Variants in TCP11L1 observed in about 807,000 individuals in gnomAD.
TCP11L1 encodes t-complex 11 like 1.
TCP11L1 carries 28 observed loss-of-function variants against 48.9 expected under a neutral mutation model. The ratio of observed to expected loss-of-function variants is 0.57; its 90% confidence interval spans 0.42 to 0.78. The LOEUF is 0.78. TCP11L1 is among the 30% of genes least tolerant of loss of function. The pLI is 0.00. For missense variants in TCP11L1, 505 were observed against 613.4 expected, an observed-to-expected ratio of 0.82 and a Z score of 1.87; for synonymous variants, 204 against 231.9, an observed-to-expected ratio of 0.88 and a Z score of 1.09.
intron 2 of TCP11L1, among the ~76,000 whole-genome samples, chr11:33,045,164 A>G (rs544070566): frequency 1.3e-5 from 2 of 151,988 alleles, no homozygotes; most frequent in African/African-American, 4.8e-5. Flanking sequence ...AGACCAGCCT[A>G]GGCAACATAA....
At chr11:33,044,134 A>T (rs1998159) in intron 2 of TCP11L1, 198 bp downstream of exon 2, 183,504 of 485,372 alleles carry the variant, frequency 0.38, 35,945 homozygotes, top group African/African-American at 0.46. Flanking sequence ...GAAATTAACA[A>T]TTTAGAATAA....
At chr11:33,067,887 C>T (rs146714942) in intron 8 of TCP11L1, among the ~76,000 whole-genome samples, 25 of 151,444 alleles carry the variant, frequency 1.7e-4, no homozygotes, top group African/African-American at 5.6e-4. Flanking sequence ...TTTCACTTTT[C>T]GTTATTCTTT....
chr11:33,048,166 A>G (rs1854054291), intron 2 of TCP11L1, among the ~76,000 whole-genome samples: 1 of 150,320 alleles, frequency 6.7e-6, no homozygotes, highest in African/African-American at 2.5e-5. Flanking sequence ...CTCCAGGGTA[A>G]GTTACATGTA....
At chr11:33,064,825 A>G (rs532619006) in intron 7 of TCP11L1, among the ~76,000 whole-genome samples, 98 of 152,320 alleles carry the variant, frequency 6.4e-4, no homozygotes, top group African/African-American at 2.1e-3. Context: ...TATGTTGTCC[A>G]AGCTGCAGTG....
chr11:33,069,981 A>G (rs564944710), intron 9 of TCP11L1, among the ~76,000 whole-genome samples: 3 of 152,026 alleles, frequency 2.0e-5, no homozygotes, highest in Admixed American at 2.0e-4. Flanking sequence ...GCAAGTTGCT[A>G]CTCATCCTGC....
In TCP11L1 at chr11:33,073,428, T is replaced by TCTTTGACTTTCAAGCCTG. The variant is rs1854855691; in HGVS notation, c.*752_*753insCTTTGACTTTCAAGCCTG. 5 of 144,358 alleles carry TCTTTGACTTTCAAGCCTG rather than the reference T, an allele frequency of 3.5e-5. No homozygotes were observed. The highest frequency in any genetic ancestry group is 8.0e-5 in the Non-Finnish European group (5 of 62,828). The allele number at this position is 144,358 out of a possible 1,614,324, so 8.9% of individuals were successfully genotyped here. A position where few individuals can be genotyped will look rare whatever the true frequency, so the allele number is the denominator to read the frequency against. On this transcript the variant is annotated 3_prime_UTR_variant, in exon 10 of 10. Transcript: ENST00000334274. ...AGGAAAGTCTTTGACTTTCAAGCCT[T>TCTTTGACTTTCAAGCCTG]GAAAGTCAAGGAGGAAATGTATTGA...
chr11:33,065,108 T>A (rs551492924), intron 7 of TCP11L1, among the ~76,000 whole-genome samples: 34 of 152,362 alleles, frequency 2.2e-4, no homozygotes, highest in Middle Eastern at 3.4e-3. Context: ...CATTATACTT[T>A]TCTTCCTAAC....
At chr11:33,067,193 G>A (rs1403311550) in intron 8 of TCP11L1, among the ~76,000 whole-genome samples, 6 of 152,178 alleles carry the variant, frequency 3.9e-5, no homozygotes, top group Admixed American at 1.3e-4. Context: ...ATCTGCACGC[G>A]TGCAGGCTTC....
At chr11:33,046,200 A>G (rs112595250) in intron 2 of TCP11L1, among the ~76,000 whole-genome samples, 3,026 of 152,378 alleles carry the variant, frequency 0.02, 126 homozygotes, top group African/African-American at 0.068. Context: ...TGGACCCTGG[A>G]CATGTTCCAA....
intron 2 of TCP11L1, among the ~76,000 whole-genome samples, chr11:33,044,612 A>G (rs1007240256): frequency 6.6e-6 from 1 of 152,248 alleles, no homozygotes; most frequent in Non-Finnish European, 1.5e-5. Context: ...GTAGATGATC[A>G]GTAGTTGTAC....
rs1854689660 is a variant in TCP11L1 at position 33,068,691 on chromosome 11, T to C, written c.1159T>C (p.Phe387Leu). ...TTCTCCCCTCCTCTGCCCCAGCTCC[T>C]TCCATCTGAAGGACGTCCTCACTAC... Reference protein sequence around the residue: ...ILLTDMHLPSFHLKDVLTTIG... With the variant: ...ILLTDMHLPSLHLKDVLTTIG... Residue 387 changes from phenylalanine to leucine, a missense_variant, in exon 9 of 10, where the codon TTC (phenylalanine) becomes CTC (leucine). Phe to Leu is a conservative substitution (Grantham distance 22). Transcript: ENST00000334274. 1 of 1,613,882 alleles carries C rather than the reference T, an allele frequency of 6.2e-7. No individual in the cohort carries two copies. Among genetic ancestry groups the C allele is most frequent in the African/African-American group, 1.3e-5 (1 of 75,032 alleles).
chr11:33,045,901 G>A (rs1019031611), intron 2 of TCP11L1, among the ~76,000 whole-genome samples: 4 of 152,238 alleles, frequency 2.6e-5, no homozygotes, highest in African/African-American at 9.6e-5. Flanking sequence ...ATGATCTACA[G>A]CTGTGACGGT....
intron 2 of TCP11L1, among the ~76,000 whole-genome samples, chr11:33,045,551 A>G (rs1038987695): frequency 5.3e-5 from 8 of 152,262 alleles, no homozygotes; most frequent in African/African-American, 1.7e-4. Flanking sequence ...TAAAGAGGCC[A>G]GGATTGATTG....
chr11:33,050,613 G>A (rs1281587020), intron 2 of TCP11L1, among the ~76,000 whole-genome samples: 1 of 151,852 alleles, frequency 6.6e-6, no homozygotes, highest in African/African-American at 2.4e-5. Flanking sequence ...CCACTCTCCA[G>A]TTTGGGCAAC....
chr11:33,041,776 A>G (rs1331368986), intron 1 of TCP11L1, among the ~76,000 whole-genome samples: 2 of 152,006 alleles, frequency 1.3e-5, no homozygotes, highest in Non-Finnish European at 2.9e-5. Context: ...ACAAAAAAAC[A>G]GGCCTGAATA....
In TCP11L1 at chr11:33,072,500, AC is replaced by A; in HGVS notation, c.1356del (p.Tyr453ThrfsTer50). On this transcript the variant is annotated frameshift_variant, in exon 10 of 10. Transcript: ENST00000334274. LOFTEE classifies it high-confidence loss of function. ...ATCTCGAATCCTGACCTTCTTAGAA[AC>A]CTACCTTGCCTCGGGTCATCAGAAG... The part of the protein sequence containing the change: ...MESRILTFLE[T>X]YLASGHQKPL... 1 of 1,614,056 alleles carries A rather than the reference AC, an allele frequency of 6.2e-7. No homozygotes were observed. The highest frequency in any genetic ancestry group is 8.5e-7 in the Non-Finnish European group (1 of 1,180,010).
chr11:33,054,442 A>G (rs1199182934), intron 2 of TCP11L1, 151 bp from the exon 3 acceptor site: 4 of 834,980 alleles, frequency 4.8e-6, no homozygotes, highest in Non-Finnish European at 7.4e-6. Flanking sequence ...ATATGAAGTA[A>G]CATTCTGTTG....
chr11:33,062,630 TG>T (rs1316551439), intron 7 of TCP11L1, among the ~76,000 whole-genome samples: 7 of 152,346 alleles, frequency 4.6e-5, no homozygotes, highest in African/African-American at 1.7e-4. Flanking sequence ...TTTTTCCTTC[TG>T]TGAAACTGTC....
At chr11:33,066,450 A>G (rs1294404002) in intron 8 of TCP11L1, among the ~76,000 whole-genome samples, 2 of 152,050 alleles carry the variant, frequency 1.3e-5, no homozygotes, top group Admixed American at 1.3e-4. Flanking sequence ...CGAGAGAAGA[A>G]GTGGCTCGGG....
Sources: allele counts gnomAD v4.1 joint callset (sites outside exome capture counted in the v4.1 genomes callset), GRCh38; gene constraint gnomAD v4.1.1; transcripts MANE v1.5; gene names NCBI Gene and HGNC (gene_info 2026-07-23, HGNC 2026-07-21).